The following FGF14 variants were observed in gnomAD, a reference collection of about 807,000 sequenced individuals.
FGF14 encodes fibroblast growth factor 14, also known as fibroblast growth factor homologous factor 4.
Under a neutral mutation model 25.5 loss-of-function variants are expected in FGF14, and 5 were observed. The ratio of observed to expected loss-of-function variants is 0.20; its 90% CI spans 0.10 to 0.41. The LOEUF (loss-of-function observed/expected upper bound fraction) is 0.41, where lower values mean the gene tolerates loss of function less well. FGF14 is among the 10% of genes least tolerant of loss of function. The pLI is 1.00. For synonymous variants in FGF14, 138 were observed against 118.3 expected (o/e 1.17, Z -1.08); for missense variants, 222 against 320.1 (o/e 0.69, Z 2.34).
intron 1 of FGF14, among the ~76,000 whole-genome samples, chr13:102,001,068 A>T (rs1290936055): frequency 6.6e-6 from 1 of 152,174 alleles, no homozygotes; most frequent in Non-Finnish European, 1.5e-5. Flanking sequence ...GAGCATAAAT[A>T]GCAAAAAGTG....
At chr13:101,895,949 C>G (rs1345878133) in intron 1 of FGF14, among the ~76,000 whole-genome samples, 3 of 152,140 alleles carry the variant, frequency 2.0e-5, no homozygotes, top group African/African-American at 7.2e-5. Flanking sequence ...ATCTTGTATT[C>G]TACTTGAATA....
intron 1 of FGF14, among the ~76,000 whole-genome samples, chr13:102,205,418 G>C (rs1396189351): frequency 6.6e-6 from 1 of 152,058 alleles, no homozygotes; most frequent in Non-Finnish European, 1.5e-5. Flanking sequence ...AATTGGACTT[G>C]GTTGGAATGG....
At chr13:102,132,691 T>C (rs2046252986) in intron 1 of FGF14, among the ~76,000 whole-genome samples, 1 of 152,034 alleles carries the variant, frequency 6.6e-6, no homozygotes, top group Non-Finnish European at 1.5e-5. Context: ...GGCTAATTTT[T>C]TGCATTTTTA....
At chr13:101,934,467 G>C (rs184367463) in intron 1 of FGF14, among the ~76,000 whole-genome samples, 1 of 152,274 alleles carries the variant, frequency 6.6e-6, no homozygotes. Flanking sequence ...AAAGCATCAA[G>C]AGGCAACTTT....
At chr13:102,008,017 T>A (rs912330367) in intron 1 of FGF14, among the ~76,000 whole-genome samples, 3 of 152,206 alleles carry the variant, frequency 2.0e-5, no homozygotes, top group African/African-American at 7.2e-5. Flanking sequence ...GAGACCAGGC[T>A]ACAGGTGAGA....
At chr13:101,958,250 C>G (rs963336936) in intron 1 of FGF14, among the ~76,000 whole-genome samples, 3 of 152,228 alleles carry the variant, frequency 2.0e-5, no homozygotes, top group Non-Finnish European at 4.4e-5. Flanking sequence ...AGAAGCAATG[C>G]TCTGAATGAC....
At chr13:101,903,112 C>T (rs1040704579) in intron 1 of FGF14, among the ~76,000 whole-genome samples, 1 of 152,066 alleles carries the variant, frequency 6.6e-6, no homozygotes, top group Non-Finnish European at 1.5e-5. Flanking sequence ...TAGAAGCATG[C>T]ATGCTGTTGC....
chr13:102,372,995 C>CA, intron 1 of FGF14, among the ~76,000 whole-genome samples: 1 of 152,088 alleles, frequency 6.6e-6, no homozygotes, highest in East Asian at 1.9e-4. Flanking sequence ...AGGTGAAACT[C>CA]AAACACAGCT....
At chr13:102,368,426 A>G (rs1208988820) in intron 1 of FGF14, among the ~76,000 whole-genome samples, 1 of 152,206 alleles carries the variant, frequency 6.6e-6, no homozygotes, top group Admixed American at 6.5e-5. Context: ...AACAGCCAGT[A>G]AGGAGTTAAT....
rs148269901 is a variant in FGF14, at chr13:101,728,919, T to A, written c.409-2109A>T. Among the ~76,000 whole-genome samples the A allele has an allele frequency of 4.5e-3, 688 of 152,264 alleles. 8 individuals are homozygous for A. The highest frequency in any genetic ancestry group is 0.015 in the African/African-American group (644 of 41,568). The stretch of plus-strand genomic sequence containing the variant: ...ACTGCCATAATGTCCAAAACATGAA[T>A]GGTGCTTGCAACACCATCAGCAACT... On this transcript the variant is annotated intron_variant, in intron 3 of 4. Transcript: ENST00000376143.
At chr13:102,196,679 T>C (rs538506242) in intron 1 of FGF14, among the ~76,000 whole-genome samples, 14 of 152,326 alleles carry the variant, frequency 9.2e-5, no homozygotes, top group African/African-American at 3.4e-4. Context: ...ATATAATTTT[T>C]TGTGGCAAAA....
At chr13:102,238,186 TA>T (rs1407161542) in intron 1 of FGF14, among the ~76,000 whole-genome samples, 2 of 152,122 alleles carry the variant, frequency 1.3e-5, no homozygotes, top group African/African-American at 4.8e-5. Flanking sequence ...TAAAATATAT[TA>T]AAGAAAGGAT....
chr13:101,798,499 A>C (rs996642260), intron 3 of FGF14, among the ~76,000 whole-genome samples: 4 of 152,136 alleles, frequency 2.6e-5, no homozygotes, highest in Admixed American at 1.3e-4. Flanking sequence ...TCATCTAGAA[A>C]GTAATAGATG....
chr13:102,262,368 C>T (rs1436844133), intron 1 of FGF14, among the ~76,000 whole-genome samples: 1 of 152,008 alleles, frequency 6.6e-6, no homozygotes, highest in Admixed American at 6.6e-5. Context: ...CCCTTTCAAC[C>T]AATCAAACTT....
intron 1 of FGF14, among the ~76,000 whole-genome samples, chr13:102,334,211 C>T (rs558174302): frequency 3.9e-5 from 6 of 152,208 alleles, no homozygotes; most frequent in African/African-American, 1.2e-4. Flanking sequence ...GGGGCAGGCA[C>T]AATTATTTTT....
chr13:102,380,221 C>A (rs1029973689), intron 1 of FGF14, among the ~76,000 whole-genome samples: 6 of 150,178 alleles, frequency 4.0e-5, no homozygotes, highest in African/African-American at 1.3e-4. Context: ...AACTGACATT[C>A]CATGGAACTG....
chr13:102,219,678 A>AT, intron 1 of FGF14, among the ~76,000 whole-genome samples: 1 of 152,340 alleles, frequency 6.6e-6, no homozygotes, highest in East Asian at 1.9e-4. Flanking sequence ...CTCAGTTTAT[A>AT]TATCTCAAGC....
rs529925917 is a variant in FGF14 at position 102,157,389 on chromosome 13, C to G, written c.208+244082G>C. Reference sequence around the variant, plus strand: ...ACTATCTGATCTTTGACAAACCTGACAAAAACAAGAAATGGGGAGAGAATT... The same window carrying G: ...ACTATCTGATCTTTGACAAACCTGAGAAAAACAAGAAATGGGGAGAGAATT... On this transcript the variant is annotated intron_variant, in intron 1 of 4. Coordinates refer to the FGF14 transcript ENST00000376131. 1.1e-4 allele frequency among the ~76,000 whole-genome samples: 17 copies of G among 152,224 alleles called. 1 individual carries two copies. Among genetic ancestry groups the G allele is most frequent in the African/African-American group, 4.1e-4 (17 of 41,530 alleles).
intron 3 of FGF14, among the ~76,000 whole-genome samples, chr13:101,763,448 T>G (rs891128546): frequency 3.3e-5 from 5 of 152,220 alleles, no homozygotes; most frequent in African/African-American, 9.6e-5. Context: ...ACCACTTTAA[T>G]GACAAGATTG....
Sources: gnomAD v4.1 joint callset for allele counts (sites outside exome capture counted in the v4.1 genomes callset) on GRCh38, gnomAD v4.1.1 for gene constraint, MANE v1.5 for transcripts, NCBI Gene and HGNC (gene_info 2026-07-23, HGNC 2026-07-21) for gene names.